TBCE: variants seen among roughly 807,000 people sequenced by gnomAD.
The protein encoded by TBCE is tubulin-specific chaperone E.
Under a neutral mutation model 77.0 loss-of-function variants are expected in TBCE, and 53 were observed. The observed-to-expected ratio is 0.69, with a 90% CI of 0.55 to 0.87. TBCE has a LOEUF of 0.87. Ranked by LOEUF, TBCE falls within the 40% of genes least tolerant of loss-of-function variation. The pLI is 0.00. For missense variants in TBCE, 624 were observed against 622.4 expected, an observed-to-expected ratio of 1.00 and a Z score of -0.03; for synonymous variants, 235 against 241.3, an observed-to-expected ratio of 0.97 and a Z score of 0.24.
intron 2 of TBCE, among the ~76,000 whole-genome samples, chr1:235,397,024 G>C (rs1319415503): frequency 6.6e-6 from 1 of 151,504 alleles, no homozygotes; most frequent in African/African-American, 2.4e-5. Context: ...CTCCAAGCTG[G>C]AGTGCAGTAG....
intron 8 of TBCE, among the ~76,000 whole-genome samples, chr1:235,435,192 C>A (rs1188711972): frequency 6.6e-6 from 1 of 151,986 alleles, no homozygotes; most frequent in Non-Finnish European, 1.5e-5. Flanking sequence ...CCTCCACCTC[C>A]CTGGTTCAAG....
chr1:235,443,059 A>G, intron 15 of TBCE, 148 bp downstream of exon 15: 3 of 798,646 alleles, frequency 3.8e-6, no homozygotes, highest in South Asian at 1.6e-5. Flanking sequence ...CTAAAATACA[A>G]TCAATCATGC....
At chr1:235,443,165 TACACACACAC>T (rs759694992) in intron 15 of TBCE, among the ~76,000 whole-genome samples, 2 of 148,386 alleles carry the variant, frequency 1.3e-5, no homozygotes, top group African/African-American at 2.5e-5. Context: ...TGCATATAAT[TACACACACAC>T]ACACACACAC....
In TBCE at chr1:235,401,579, T is replaced by G; in HGVS notation, c.177T>G (p.Phe59Leu). ...GGAGCCACGAAGGGACTGTGTATTT[T>G]AAATGCAGGTAACTTTTCATTATGA... The part of the protein sequence containing the change: ...HDGSHEGTVY[F>L]KCRHPTGGSF... The change falls in exon 3 of 17, where the codon TTT (phenylalanine) becomes TTG (leucine). Residue 59 changes from phenylalanine (F) to leucine (L), a missense_variant. Transcript: ENST00000642610. 1 of 1,613,426 alleles carries G rather than the reference T, an allele frequency of 6.2e-7. No homozygotes were observed. The highest frequency in any genetic ancestry group is 8.5e-7 in the Non-Finnish European group (1 of 1,179,488).
intron 1 of TBCE, among the ~76,000 whole-genome samples, chr1:235,371,236 A>G (rs999201158): frequency 6.7e-6 from 1 of 149,392 alleles, no homozygotes; most frequent in South Asian, 2.1e-4. Context: ...TTGTATTTTT[A>G]GTAGAGATGG....
At chr1:235,436,241 T>C in intron 9 of TBCE, 145 bp from the exon 10 acceptor site, 3 of 731,774 alleles carry the variant, frequency 4.1e-6, no homozygotes, top group Non-Finnish European at 7.1e-6. Context: ...TTGCATGTCC[T>C]AAGTTGGACT....
chr1:235,386,677 G>A (rs1678028281), intron 2 of TBCE, among the ~76,000 whole-genome samples: 1 of 151,952 alleles, frequency 6.6e-6, no homozygotes, highest in African/African-American at 2.4e-5. Flanking sequence ...TCTCTGTATT[G>A]GTTATTCTAG....
chr1:235,380,723 G>T (rs1290949652), intron 2 of TBCE, among the ~76,000 whole-genome samples: 7 of 151,870 alleles, frequency 4.6e-5, no homozygotes, highest in Non-Finnish European at 1.0e-4. Context: ...TTAATTTCTA[G>T]TTTTTAGAGT....
intron 5 of TBCE, among the ~76,000 whole-genome samples, chr1:235,420,514 C>T (rs1322552440): frequency 2.2e-5 from 3 of 133,908 alleles, no homozygotes; most frequent in Non-Finnish European, 4.6e-5. Flanking sequence ...GACGGAGTCT[C>T]GCTCTGTTGC....
intron 2 of TBCE, among the ~76,000 whole-genome samples, chr1:235,393,192 G>A (rs1449560234): frequency 6.6e-6 from 1 of 151,974 alleles, no homozygotes; most frequent in Admixed American, 6.6e-5. Flanking sequence ...ACCTACTATT[G>A]GCTTTTCACA....
chr1:235,410,908 T>C (rs1679748632), intron 3 of TBCE, among the ~76,000 whole-genome samples: 2 of 152,228 alleles, frequency 1.3e-5, no homozygotes, highest in Admixed American at 6.5e-5. Flanking sequence ...CGACAAAAGG[T>C]ATATCTGGAA....
At chr1:235,401,466 TCATC>T in intron 2 of TBCE, 33 bp from the exon 3 acceptor site, 1 of 1,566,810 alleles carries the variant, frequency 6.4e-7, no homozygotes, top group Non-Finnish European at 8.8e-7. Flanking sequence ...GCCTGTATCA[TCATC>T]TGTTACTCAT....
chr1:235,426,303 G>A (rs1340830829), intron 5 of TBCE, among the ~76,000 whole-genome samples: 2 of 152,182 alleles, frequency 1.3e-5, no homozygotes, highest in Non-Finnish European at 2.9e-5. Flanking sequence ...ATCAGGGGCA[G>A]TTGGAGTGAT....
At position 235,414,515 on chromosome 1, in the gene TBCE, G is replaced by C; in HGVS notation, c.268G>C (p.Val90Leu). ...DFLTAIKNRY[V>L]LEDGPEEDRK... ...TCTTACTGCAATTAAGAACCGCTAT[G>C]TGTTAGAAGATGGACCAGAGGAAGA... Residue 90 changes from valine (V) to leucine (L), a missense_variant, in exon 4 of 17, where the codon GTG becomes CTG. Val to Leu is a conservative substitution (Grantham distance 32). Transcript: ENST00000642610. The C allele has an allele frequency of 6.2e-7, 1 of 1,613,910 alleles. No homozygotes were observed. The highest frequency in any genetic ancestry group is 8.5e-7 in the Non-Finnish European group (1 of 1,179,984).
intron 7 of TBCE, among the ~76,000 whole-genome samples, chr1:235,432,150 AT>A (rs1681143458): frequency 6.6e-6 from 1 of 151,756 alleles, no homozygotes; most frequent in African/African-American, 2.4e-5. Context: ...TGCCCAGCTT[AT>A]TTTTGTATTT....
Position 235,442,838 on chromosome 1 carries a change from T to C in TBCE, c.1340-14T>C, listed in dbSNP as rs370623097. On this transcript the variant is annotated splice_polypyrimidine_tract_variant and intron_variant, in intron 14 of 16. Transcript: ENST00000642610. ...GTAGATATCAATTAGTCTTTTTCTT[T>C]GTTTCTCTTAAAGCACTGAAGATAA... The C allele has an allele frequency of 1.9e-6, 3 of 1,613,480 alleles. No individual in the cohort carries two copies. The highest frequency in any genetic ancestry group is 2.5e-6 in the Non-Finnish European group (3 of 1,179,498).
At chr1:235,387,246 G>T (rs966504082) in intron 2 of TBCE, among the ~76,000 whole-genome samples, 2 of 152,098 alleles carry the variant, frequency 1.3e-5, no homozygotes, top group Admixed American at 1.3e-4. Flanking sequence ...AGGGGTCAGG[G>T]GTCAGGGACC....
chr1:235,371,032 G>A (rs1204116225), intron 1 of TBCE, among the ~76,000 whole-genome samples: 1 of 110,690 alleles, frequency 9.0e-6, no homozygotes, highest in Non-Finnish European at 1.7e-5. Context: ...GAGCTATCAC[G>A]CCTGGCTTTT....
intron 2 of TBCE, among the ~76,000 whole-genome samples, chr1:235,386,489 T>A (rs1678013301): frequency 1.3e-5 from 2 of 152,202 alleles, no homozygotes; most frequent in African/African-American, 2.4e-5. Flanking sequence ...TTGGAGGCTT[T>A]GTTCATTTCT....
Sources: allele counts gnomAD v4.1 joint callset (sites outside exome capture counted in the v4.1 genomes callset), GRCh38; gene constraint gnomAD v4.1.1; transcripts MANE v1.5; gene names NCBI Gene and HGNC (gene_info 2026-07-23, HGNC 2026-07-21).